PTPRD: variants seen among roughly 807,000 people sequenced by gnomAD.
PTPRD encodes protein tyrosine phosphatase receptor type D, also known as receptor-type tyrosine-protein phosphatase delta.
Under a neutral mutation model 214.5 loss-of-function variants are expected in PTPRD, and 34 were observed. The observed-to-expected ratio is 0.16, with a 90% CI of 0.12 to 0.21. The LOEUF (loss-of-function observed/expected upper bound fraction) is 0.21. Among genes scored for constraint, PTPRD ranks in the 10% least tolerant of loss-of-function variants. The pLI, the probability that PTPRD is intolerant of heterozygous loss-of-function variation, is 1.00. For missense variants in PTPRD, 2,545 were observed against 2,398.7 expected (o/e 1.06, Z -1.27); for synonymous variants, 1,128 against 845.7 (o/e 1.33, Z -5.79).
chr9:8,370,950 G>A (rs1231002704), intron 39 of PTPRD, among the ~76,000 whole-genome samples: 1 of 152,058 alleles, frequency 6.6e-6, no homozygotes, highest in African/African-American at 2.4e-5. Flanking sequence ...ATTACCACGG[G>A]AAGCGAAAAG....
chr9:9,718,038 G>A (rs1381871396), intron 7 of PTPRD, among the ~76,000 whole-genome samples: 1 of 152,128 alleles, frequency 6.6e-6, no homozygotes, highest in Non-Finnish European at 1.5e-5. Flanking sequence ...GGTGAAATAG[G>A]CATTGCTGTT....
chr9:9,224,862 T>C (rs964134679), intron 9 of PTPRD, among the ~76,000 whole-genome samples: 2 of 152,020 alleles, frequency 1.3e-5, no homozygotes, highest in African/African-American at 2.4e-5. Flanking sequence ...GGGATTCAAA[T>C]TGATACATTT....
At chr9:8,374,114 CTGTGTGTGTGTGTGTGTGTGTGTGTGTG>C (rs6150905) in intron 39 of PTPRD, among the ~76,000 whole-genome samples, 29 of 142,800 alleles carry the variant, frequency 2.0e-4, no homozygotes, top group Admixed American at 1.4e-4. Flanking sequence ...ACACACGTGT[CTGTGTGTGTGTGTGTGTGTGTGTGTGTG>C]TGTGTGTGTG....
chr9:8,922,496 A>G (rs2098834620), intron 11 of PTPRD, among the ~76,000 whole-genome samples: 1 of 152,240 alleles, frequency 6.6e-6, no homozygotes, highest in Admixed American at 6.5e-5. Flanking sequence ...AACAATAGTC[A>G]TAATAACATT....
intron 4 of PTPRD, among the ~76,000 whole-genome samples, chr9:9,942,735 C>T (rs2091810844): frequency 1.3e-5 from 2 of 152,180 alleles, no homozygotes; most frequent in South Asian, 4.1e-4. Flanking sequence ...AGCATGTTTT[C>T]ATAATATTTA....
At chr9:9,235,413 G>T (rs1048902204) in intron 9 of PTPRD, among the ~76,000 whole-genome samples, 5 of 152,164 alleles carry the variant, frequency 3.3e-5, no homozygotes, top group Non-Finnish European at 7.3e-5. Context: ...TTGTCCAATT[G>T]CACTCCTACA....
intron 2 of PTPRD, among the ~76,000 whole-genome samples, chr9:10,500,513 C>A (rs1422182619): frequency 6.6e-6 from 1 of 151,744 alleles, no homozygotes; most frequent in Non-Finnish European, 1.5e-5. Flanking sequence ...ATGTAGAGCA[C>A]CCATCCCATC....
intron 14 of PTPRD, among the ~76,000 whole-genome samples, chr9:8,621,365 T>C (rs1349086168): frequency 1.3e-5 from 2 of 152,026 alleles, no homozygotes; most frequent in Non-Finnish European, 2.9e-5. Context: ...TTCACCATTA[T>C]GCGGTAAAGT....
intron 4 of PTPRD, among the ~76,000 whole-genome samples, chr9:9,959,205 T>G (rs1423245732): frequency 2.0e-5 from 3 of 152,206 alleles, no homozygotes; most frequent in Admixed American, 6.5e-5. Flanking sequence ...TAATCTTAAA[T>G]GCACCTTTGA....
intron 14 of PTPRD, among the ~76,000 whole-genome samples, chr9:8,599,597 C>A (rs2094692619): frequency 2.7e-5 from 1 of 36,808 alleles, no homozygotes; most frequent in African/African-American, 1.0e-4. Flanking sequence ...ATGGCCCTTT[C>A]CCCCACCCGC....
intron 9 of PTPRD, among the ~76,000 whole-genome samples, chr9:9,232,961 T>A (rs191494046): frequency 3.3e-5 from 5 of 152,110 alleles, no homozygotes; most frequent in Non-Finnish European, 7.4e-5. Flanking sequence ...TGTTCTTCTA[T>A]ATAGGAGATG....
chr9:8,617,730 T>C (rs942586924), intron 14 of PTPRD, among the ~76,000 whole-genome samples: 1 of 152,104 alleles, frequency 6.6e-6, no homozygotes, highest in Non-Finnish European at 1.5e-5. Flanking sequence ...CTTGAGTAGA[T>C]AAACTTTCTT....
At chr9:8,912,261 C>T (rs1424237489) in intron 11 of PTPRD, among the ~76,000 whole-genome samples, 1 of 152,058 alleles carries the variant, frequency 6.6e-6, no homozygotes, top group African/African-American at 2.4e-5. Context: ...ACCAAATGTC[C>T]ATCAGTTGGT....
chr9:10,017,019 T>C (rs1023246095), intron 4 of PTPRD, among the ~76,000 whole-genome samples: 1 of 152,174 alleles, frequency 6.6e-6, no homozygotes, highest in Non-Finnish European at 1.5e-5. Flanking sequence ...TGTGTCACGG[T>C]TGAAACACCT....
At chr9:8,441,836 C>T (rs553252912) in intron 34 of PTPRD, among the ~76,000 whole-genome samples, 1 of 152,294 alleles carries the variant, frequency 6.6e-6, no homozygotes, top group South Asian at 2.1e-4. Context: ...ACTGTAGCTA[C>T]ATGAGGAATC....
intron 12 of PTPRD, among the ~76,000 whole-genome samples, chr9:8,651,329 C>T (rs568724910): frequency 3.9e-5 from 6 of 152,136 alleles, no homozygotes; most frequent in African/African-American, 9.6e-5. Flanking sequence ...GTTCTATGCT[C>T]GGGCTCTGAA....
At chr9:8,450,231 G>A (rs183094837) in intron 33 of PTPRD, among the ~76,000 whole-genome samples, 1 of 152,260 alleles carries the variant, frequency 6.6e-6, no homozygotes, top group African/African-American at 2.4e-5. Flanking sequence ...TGTTACCATA[G>A]AGAAACTACC....
chr9:10,247,159 G>C (rs1290960568), intron 3 of PTPRD, among the ~76,000 whole-genome samples: 1 of 152,030 alleles, frequency 6.6e-6, no homozygotes, highest in African/African-American at 2.4e-5. Context: ...AGTTTGATTA[G>C]TCATAATTGT....
intron 2 of PTPRD, among the ~76,000 whole-genome samples, chr9:10,348,696 T>C (rs571008689): frequency 1.3e-5 from 2 of 152,322 alleles, no homozygotes; most frequent in Admixed American, 6.5e-5. Flanking sequence ...GTTTTTCTAA[T>C]AATGTGAGTA....
Sources: gnomAD v4.1 joint callset for allele counts (sites outside exome capture counted in the v4.1 genomes callset) on GRCh38, gnomAD v4.1.1 for gene constraint, MANE v1.5 for transcripts, NCBI Gene and HGNC (gene_info 2026-07-23, HGNC 2026-07-21) for gene names.